The following NANOGNB variants were observed in gnomAD, a reference collection of about 807,000 sequenced individuals.
The protein encoded by NANOGNB is homeobox C14.
A neutral mutation model predicts 25.0 loss-of-function variants in NANOGNB; 30 were observed. That is an observed-to-expected ratio of 1.20 (90% CI 0.90 to 1.63). The LOEUF is 1.63. NANOGNB is among the 40% of genes most tolerant of loss of function. The probability of loss-of-function intolerance (pLI) is 0.00; values close to 1 mark genes in which losing one functional copy is unlikely to be tolerated. For synonymous variants in NANOGNB, 84 were observed against 62.1 expected, an observed-to-expected ratio of 1.35 and a Z score of -1.66; for missense variants, 200 against 188.1, an observed-to-expected ratio of 1.06 and a Z score of -0.37.
At position 7,766,653 on chromosome 12, in the gene NANOGNB, C is replaced by T. The variant is rs142633419; in HGVS notation, c.102+1266C>T. ...GGAGTGGCACAATCTCAACTAACTGCGACCTCCCCCTCCCGGGGTTCAAAA... is the reference window on the plus strand; with the variant it reads ...GGAGTGGCACAATCTCAACTAACTGTGACCTCCCCCTCCCGGGGTTCAAAA... On this transcript the variant is annotated intron_variant, in intron 1 of 3. Transcript: ENST00000382119. Among the ~76,000 whole-genome samples the T allele has an allele frequency of 1.1e-3, 164 of 152,226 alleles. 4 individuals carry two copies. In the East Asian group the frequency reaches 0.03, roughly 28 times the overall value.
At chr12:7,768,965 C>T (rs777248649) in intron 1 of NANOGNB, among the ~76,000 whole-genome samples, 3 of 151,994 alleles carry the variant, frequency 2.0e-5, no homozygotes, top group Admixed American at 6.6e-5. Flanking sequence ...AATTAAAATC[C>T]ATATTAATCG....
chr12:7,768,910 G>A (rs1865268350), intron 1 of NANOGNB, among the ~76,000 whole-genome samples: 1 of 152,022 alleles, frequency 6.6e-6, no homozygotes, highest in South Asian at 2.1e-4. Context: ...GGGATTATAG[G>A]CATGAGCCAC....
intron 3 of NANOGNB, among the ~76,000 whole-genome samples, chr12:7,770,770 G>C (rs1286765798): frequency 1.3e-5 from 2 of 152,164 alleles, no homozygotes; most frequent in East Asian, 3.9e-4. Flanking sequence ...GCGCCACCAC[G>C]CCCAGCTAAT....
rs1592109389 is a variant in NANOGNB, at chr12:7,766,598, G to C, written c.102+1211G>C. 2.6e-5 allele frequency among the ~76,000 whole-genome samples: 4 copies of C among 152,312 alleles called. No individual in the cohort carries two copies. In the South Asian group the frequency reaches 8.3e-4, roughly 32 times the overall value. On this transcript the variant is annotated intron_variant, in intron 1 of 3. Transcript: ENST00000382119. ...TTCTTTTCTTTTGTTTTTGTTTCTT[G>C]AGTCACAGTCTTGTTCTGTTGCCCA...
intron 1 of NANOGNB, among the ~76,000 whole-genome samples, chr12:7,767,471 G>C (rs1005622897): frequency 1.3e-5 from 2 of 151,714 alleles, no homozygotes; most frequent in Admixed American, 1.3e-4. Context: ...TGCCAAGGCG[G>C]ACAGATCACT....
chr12:7,767,515 G>A (rs1865255992), intron 1 of NANOGNB, among the ~76,000 whole-genome samples: 1 of 151,810 alleles, frequency 6.6e-6, no homozygotes, highest in African/African-American at 2.4e-5. Flanking sequence ...CAACAGCACA[G>A]TTAGCTGCCA....
intron 1 of NANOGNB, among the ~76,000 whole-genome samples, chr12:7,767,204 A>T (rs970429487): frequency 1.3e-5 from 2 of 152,088 alleles, no homozygotes; most frequent in African/African-American, 4.8e-5. Flanking sequence ...GAATGTGTGG[A>T]AGTGGATGTG....
chr12:7,773,546 C>CAAA (rs869038102), intron 3 of NANOGNB, among the ~76,000 whole-genome samples: 1,194 of 15,462 alleles, frequency 0.077, 339 homozygotes, highest in Middle Eastern at 0.2. Flanking sequence ...ACTAAAAATA[C>CAAA]AAAAAAAAAA....
At chr12:7,773,774 T>C (rs1411701594) in intron 3 of NANOGNB, 26 bp from the exon 4 acceptor site, 2 of 79,838 alleles carry the variant, frequency 2.5e-5, no homozygotes, top group Non-Finnish European at 4.5e-5. Context: ...TGCGAAACTC[T>C]TTTTTTTTTT....
intron 3 of NANOGNB, among the ~76,000 whole-genome samples, chr12:7,773,108 C>G (rs1456075970): frequency 6.8e-6 from 1 of 146,110 alleles, no homozygotes; most frequent in South Asian, 2.2e-4. Flanking sequence ...CTATTAAAAT[C>G]CAACTGTGAT....
In NANOGNB at chr12:7,770,451, T is replaced by C; in HGVS notation, c.448T>C (p.Phe150Leu). Residue 150 changes from phenylalanine (F) to leucine (L), a missense_variant, in exon 3 of 4, where the codon TTT (phenylalanine) becomes CTT (leucine). Transcript: ENST00000382119. ...DMTHKQISQW[F>L]CKTRKKYNKE... is the part of the protein sequence containing the mutation. ...CATTTTTTTGTAGATAAGTCAATGG[T>C]TTTGTAAAACGAGGAAGAAATATAA... is the stretch of plus-strand genomic sequence containing the variant. The C allele has an allele frequency of 6.5e-7, 1 of 1,538,148 alleles. No homozygotes were observed. The highest frequency in any genetic ancestry group is 8.8e-7 in the Non-Finnish European group (1 of 1,136,802).
Position 7,770,100 on chromosome 12 carries a change from G to A in NANOGNB, c.220G>A (p.Glu74Lys), listed in dbSNP as rs929362242. Reference protein sequence around the residue: ...REEGEAGRKREREKEEKNEKE... With the variant: ...REEGEAGRKRKREKEEKNEKE... ...AGAAGGAGAAGCAGGCAGAAAGAGA[G>A]AACGAGAAAAAGAAGAAAAAAACGA... The change falls in exon 2 of 4, where the codon GAA (glutamate) becomes AAA (lysine). Residue 74 changes from glutamate to lysine, a missense_variant. Glu to Lys is a moderately conservative substitution (Grantham distance 56). Coordinates refer to ENST00000382119, the MANE Select transcript of NANOGNB (RefSeq NM_001145465.1). 34 of 1,542,440 alleles carry A rather than the reference G, an allele frequency of 2.2e-5. No homozygotes were observed. The highest frequency in any genetic ancestry group is 3.0e-5 in the Non-Finnish European group (34 of 1,139,804).
chr12:7,773,820 A>G lies in NANOGNB; in HGVS notation c.536A>G (p.Gln179Arg), dbSNP rs1033363486. 1.6e-6 allele frequency: 1 copy of G among 627,784 alleles called. No individual in the cohort carries two copies. Among genetic ancestry groups the G allele is most frequent in the Non-Finnish European group, 2.8e-6 (1 of 358,740 alleles). 38.9% of individuals were successfully genotyped at this position (627,784 alleles called of 1,614,324 possible). A position where few individuals can be genotyped will look rare whatever the true frequency, so the allele number is the denominator to read the frequency against. The change falls in exon 4 of 4, where the codon CAA becomes CGA. Residue 179 changes from glutamine (Q) to arginine (R), a missense_variant. Gln to Arg is a conservative substitution (Grantham distance 43). Coordinates refer to ENST00000382119, the MANE Select transcript of NANOGNB (RefSeq NM_001145465.1). ...AACAGATGGAGATCTCTGTGTTGCC[A>G]AGGCTGGTCTCGAACTCCTGCCCTC... Reference protein sequence around the residue: ...KHMRWRSLCCQGWSRTPALK With the variant: ...KHMRWRSLCCRGWSRTPALK
intron 1 of NANOGNB, among the ~76,000 whole-genome samples, chr12:7,768,812 G>A (rs905227729): frequency 3.1e-4 from 47 of 152,142 alleles, no homozygotes; most frequent in African/African-American, 1.0e-3. Context: ...GATTACAGGC[G>A]TGAGCCACCG....
intron 3 of NANOGNB, among the ~76,000 whole-genome samples, chr12:7,773,418 G>C (rs994307918): frequency 5.9e-5 from 9 of 151,648 alleles, no homozygotes; most frequent in South Asian, 2.1e-4. Context: ...TATATAGACA[G>C]CGGCTGGGTG....
In NANOGNB at chr12:7,765,256, C is replaced by G; in HGVS notation, c.-30C>G. 1 of 1,288,614 alleles carries G rather than the reference C, an allele frequency of 7.8e-7. No homozygotes were observed. The highest frequency in any genetic ancestry group is 1.2e-5 in the South Asian group (1 of 80,972). The allele number at this position is 1,288,614 out of a possible 1,614,324, so 79.8% of individuals were successfully genotyped here. A position where few individuals can be genotyped will look rare whatever the true frequency, so the allele number is the denominator to read the frequency against. On this transcript the variant is annotated 5_prime_UTR_variant, in exon 1 of 4. Transcript: ENST00000382119. ...TCGGTCATCTCTGTAACCTCCCTACCAAGGACTAATTGGTCTTTAAAACTC... is the reference window on the plus strand; with the variant it reads ...TCGGTCATCTCTGTAACCTCCCTACGAAGGACTAATTGGTCTTTAAAACTC...
intron 1 of NANOGNB, among the ~76,000 whole-genome samples, chr12:7,766,505 A>ACAAAC (rs1865246164): frequency 6.6e-6 from 1 of 152,076 alleles, no homozygotes; most frequent in Non-Finnish European, 1.5e-5. Flanking sequence ...ACAAAACAAA[A>ACAAAC]CAAACCCACT....
At chr12:7,765,938 G>T (rs1040164715) in intron 1 of NANOGNB, 2 of 391,300 alleles carry the variant, frequency 5.1e-6, no homozygotes, top group Admixed American at 8.9e-5. Context: ...AGATGACCTG[G>T]ATTAGAGCTA....
Position 7,765,216 on chromosome 12 carries a change from A to T in NANOGNB, c.-70A>T, listed in dbSNP as rs1416111754. 2.7e-5 allele frequency: 34 copies of T among 1,278,088 alleles called. No homozygotes were observed. Among genetic ancestry groups the T allele is most frequent in the Non-Finnish European group, 3.2e-5 (31 of 981,918 alleles). 79.2% of individuals were successfully genotyped at this position (1,278,088 alleles called of 1,614,324 possible). On this transcript the variant is annotated 5_prime_UTR_variant, in exon 1 of 4. Transcript: ENST00000382119. ...CACTGACATCCAAAAGATGGATGAC[A>T]TCTACCTTATCTGGTCGGTCATCTC...
Sources: allele counts gnomAD v4.1 joint callset (sites outside exome capture counted in the v4.1 genomes callset), GRCh38; gene constraint gnomAD v4.1.1; transcripts MANE v1.5; gene names NCBI Gene and HGNC (gene_info 2026-07-23, HGNC 2026-07-21).